The following RPSA2 variants were observed in gnomAD, a reference collection of about 807,000 sequenced individuals.
RPSA2 encodes small ribosomal subunit protein uS2B.
the RPSA2 span, among the ~76,000 whole-genome samples, chr19:23,861,898 G>T: frequency 6.6e-6 from 1 of 152,114 alleles, no homozygotes; most frequent in Non-Finnish European, 1.5e-5. Context: ...GCACACAGGA[G>T]GTTTTCAGTT....
At chr19:23,773,570 C>T in the RPSA2 span, among the ~76,000 whole-genome samples, 1 of 152,176 alleles carries the variant, frequency 6.6e-6, no homozygotes, top group Non-Finnish European at 1.5e-5. Flanking sequence ...GCGTGAGCCA[C>T]CACAGCCGGC....
At chr19:23,781,068 AG>A in the RPSA2 span, among the ~76,000 whole-genome samples, 1 of 152,120 alleles carries the variant, frequency 6.6e-6, no homozygotes, top group East Asian at 1.9e-4. Flanking sequence ...TCCACCTACC[AG>A]GTTCAAGCGA....
the RPSA2 span, among the ~76,000 whole-genome samples, chr19:23,778,851 T>C: frequency 6.6e-6 from 1 of 152,006 alleles, no homozygotes; most frequent in Non-Finnish European, 1.5e-5. Context: ...CTGTGTCATA[T>C]AGCTTTACTC....
the RPSA2 span, among the ~76,000 whole-genome samples, chr19:23,822,269 G>A: frequency 6.6e-6 from 1 of 152,202 alleles, no homozygotes; most frequent in Non-Finnish European, 1.5e-5. Flanking sequence ...TTGGGTCCCA[G>A]TTGGGATCTG....
At chr19:23,834,423 CT>C in the RPSA2 span, among the ~76,000 whole-genome samples, 1 of 151,846 alleles carries the variant, frequency 6.6e-6, no homozygotes, top group African/African-American at 2.4e-5. Context: ...TACTTATGAC[CT>C]TTTCTATGGA....
the RPSA2 span, among the ~76,000 whole-genome samples, chr19:23,780,852 C>G: frequency 2.0e-5 from 3 of 152,160 alleles, no homozygotes; most frequent in Admixed American, 6.6e-5. Flanking sequence ...TATATTCACA[C>G]CCAGTCAATA....
At chr19:23,783,989 A>G in the RPSA2 span, among the ~76,000 whole-genome samples, 1 of 152,142 alleles carries the variant, frequency 6.6e-6, no homozygotes, top group African/African-American at 2.4e-5. Flanking sequence ...CTCTCGGGGA[A>G]GATTGTGACA....
At chr19:23,852,572 G>C in the RPSA2 span, among the ~76,000 whole-genome samples, 2 of 152,364 alleles carry the variant, frequency 1.3e-5, no homozygotes, top group African/African-American at 2.4e-5. Flanking sequence ...TTAAGACACA[G>C]ATCACTCATG....
chr19:23,766,143 CT>C, the RPSA2 span, among the ~76,000 whole-genome samples: 3 of 29,428 alleles, frequency 1.0e-4, no homozygotes, highest in African/African-American at 3.2e-4. Flanking sequence ...ATTTCATTTC[CT>C]TTTTTTTTTT....
At chr19:23,829,762 ATATC>A in the RPSA2 span, among the ~76,000 whole-genome samples, 1 of 152,198 alleles carries the variant, frequency 6.6e-6, no homozygotes, top group Admixed American at 6.5e-5. Context: ...GTTGCTAATT[ATATC>A]TTATGTTGTA....
the RPSA2 span, among the ~76,000 whole-genome samples, chr19:23,856,589 G>A: frequency 2.0e-5 from 3 of 152,166 alleles, no homozygotes; most frequent in Non-Finnish European, 2.9e-5. Flanking sequence ...GTTCCCACAT[G>A]CACTTAGGAT....
At chr19:23,783,971 G>C in the RPSA2 span, among the ~76,000 whole-genome samples, 1 of 152,094 alleles carries the variant, frequency 6.6e-6, no homozygotes, top group East Asian at 1.9e-4. Flanking sequence ...TCTTCTGCCT[G>C]GTGCATGCTC....
At chr19:23,793,699 A>G in the RPSA2 span, among the ~76,000 whole-genome samples, 1 of 152,084 alleles carries the variant, frequency 6.6e-6, no homozygotes, top group African/African-American at 2.4e-5. Flanking sequence ...AATAGCTGCT[A>G]TTACAGGTGC....
chr19:23,862,109 A>T, the RPSA2 span, among the ~76,000 whole-genome samples: 1 of 152,044 alleles, frequency 6.6e-6, no homozygotes, highest in African/African-American at 2.4e-5. Context: ...TGTAAGTTGG[A>T]TTCCTAGGTA....
chr19:23,847,453 A>G, the RPSA2 span, among the ~76,000 whole-genome samples: 2 of 152,304 alleles, frequency 1.3e-5, no homozygotes, highest in African/African-American at 4.8e-5. Context: ...GTGACATCAC[A>G]TATCGGTAGG....
the RPSA2 span, among the ~76,000 whole-genome samples, chr19:23,761,236 C>A: frequency 6.6e-6 from 1 of 151,930 alleles, no homozygotes; most frequent in Non-Finnish European, 1.5e-5. Flanking sequence ...GGCAACTCCA[C>A]ACAAGGCCAA....
the RPSA2 span, chr19:23,790,834 G>A: frequency 9.3e-6 from 5 of 535,630 alleles, no homozygotes; most frequent in Middle Eastern, 2.9e-4. Flanking sequence ...CTGGTGGGAA[G>A]CAGCTGTGGT....
chr19:23,842,350 T>A, the RPSA2 span, among the ~76,000 whole-genome samples: 1 of 152,214 alleles, frequency 6.6e-6, no homozygotes, highest in Admixed American at 6.5e-5. Flanking sequence ...CACTGGTTTT[T>A]TGGATCTTAT....
At chr19:23,856,800 T>A in the RPSA2 span, among the ~76,000 whole-genome samples, 1 of 152,174 alleles carries the variant, frequency 6.6e-6, no homozygotes, top group African/African-American at 2.4e-5. Context: ...AGCAGGTTTT[T>A]ATTAAGGATT....
Sources: gnomAD v4.1 joint callset for allele counts (sites outside exome capture counted in the v4.1 genomes callset) on GRCh38, gnomAD v4.1.1 for gene constraint, MANE v1.5 for transcripts, NCBI Gene and HGNC (gene_info 2026-07-23, HGNC 2026-07-21) for gene names.